Variants in PHF21B observed in about 807,000 individuals in gnomAD.
PHF21B encodes the protein PHD finger protein 4.
Under a neutral mutation model 62.2 loss-of-function variants are expected in PHF21B, and 22 were observed. The observed-to-expected ratio is 0.35, with a 90% CI of 0.25 to 0.51. PHF21B has a LOEUF of 0.51. Among genes scored for constraint, PHF21B ranks in the 20% least tolerant of loss-of-function variants. The probability of loss-of-function intolerance (pLI) is 0.97; values close to 1 mark genes in which losing one functional copy is unlikely to be tolerated. For missense variants in PHF21B, 701 were observed against 707.9 expected (o/e 0.99, Z 0.11); for synonymous variants, 341 against 314.7 (o/e 1.08, Z -0.88).
intron 5 of PHF21B, chr22:44,902,392 G>C (rs2071175576): frequency 3.4e-6 from 1 of 295,926 alleles, no homozygotes; most frequent in South Asian, 4.2e-5. Context: ...TGTTTGCCCT[G>C]ATGAGTGGAG....
Position 44,882,893 on chromosome 22 carries a change from AG to A in PHF21B, c.*192del. The A allele has an allele frequency of 1.6e-6, 1 of 616,652 alleles. No homozygotes were observed. The highest frequency in any genetic ancestry group is 2.6e-6 in the Non-Finnish European group (1 of 377,466). 38.2% of individuals were successfully genotyped at this position (616,652 alleles called of 1,614,324 possible). On this transcript the variant is annotated 3_prime_UTR_variant, in exon 13 of 13. Coordinates refer to ENST00000313237, the MANE Select transcript of PHF21B (RefSeq NM_138415.5). ...TCCTAGGTACCCCCTGTGAATTTGG[AG>A]GGCACAGGGCCGCACCCCCACCTGG...
At chr22:44,985,785 G>T (rs952104247) in intron 2 of PHF21B, among the ~76,000 whole-genome samples, 1 of 152,012 alleles carries the variant, frequency 6.6e-6, no homozygotes, top group Non-Finnish European at 1.5e-5. Context: ...CACCACTGAT[G>T]TTATCACCGT....
intron 7 of PHF21B, 42 bp from the exon 8 acceptor site, chr22:44,891,402 A>C: frequency 1.9e-6 from 3 of 1,604,970 alleles, no homozygotes; most frequent in Non-Finnish European, 2.6e-6. Context: ...CATCATCTGG[A>C]GGCTCTCTTC....
chr22:44,898,117 C>G lies in PHF21B; in HGVS notation c.832-2034G>C, dbSNP rs190401912. Among the ~76,000 whole-genome samples the G allele has an allele frequency of 1.3e-3, 193 of 152,302 alleles. 1 individual carries two copies. The highest frequency in any genetic ancestry group is 4.5e-3 in the African/African-American group (188 of 41,566). ...GCCACTGTGCCCAGCCCTTTGTTTT[C>G]TGTCCCAGGATCCCACATGATATTT... is the stretch of plus-strand genomic sequence containing the variant. On this transcript the variant is annotated intron_variant, in intron 5 of 12. Transcript: ENST00000313237.
At position 44,948,858 on chromosome 22, in the gene PHF21B, G is replaced by A. The variant is rs149009655; in HGVS notation, c.121-28368C>T. ...AAGTTGTCTCAAACACACTTTTAGG[G>A]CCACTGTCATTTGCAGTCTCAAGCA... On this transcript the variant is annotated intron_variant, in intron 2 of 12. Transcript: ENST00000313237. Among the ~76,000 whole-genome samples, 534 of 152,290 alleles carry A rather than the reference G, an allele frequency of 3.5e-3. 5 individuals carry two copies. Among genetic ancestry groups the A allele is most frequent in the African/African-American group, 0.012 (488 of 41,560 alleles).
chr22:44,973,905 G>A (rs564008265), intron 2 of PHF21B, among the ~76,000 whole-genome samples: 1 of 152,304 alleles, frequency 6.6e-6, no homozygotes, highest in South Asian at 2.1e-4. Flanking sequence ...AAATTAGCAG[G>A]AATAAGCCAG....
At chr22:44,975,110 G>C (rs961113394) in intron 2 of PHF21B, among the ~76,000 whole-genome samples, 1 of 152,094 alleles carries the variant, frequency 6.6e-6, no homozygotes, top group Non-Finnish European at 1.5e-5. Context: ...CTGCACCCTT[G>C]GCTGAGGGAA....
chr22:44,984,095 TCACCATCATCAC>T (rs2072893253), intron 2 of PHF21B, among the ~76,000 whole-genome samples: 1 of 131,868 alleles, frequency 7.6e-6, no homozygotes, highest in African/African-American at 2.9e-5. Context: ...ACCATCATCA[TCACCATCATCAC>T]CACCATAACC....
intron 2 of PHF21B, among the ~76,000 whole-genome samples, chr22:44,947,894 C>T (rs1417995977): frequency 6.6e-6 from 1 of 150,906 alleles, no homozygotes; most frequent in Non-Finnish European, 1.5e-5. Flanking sequence ...CTTAAGGGTA[C>T]AGCTGGAGGA....
intron 9 of PHF21B, among the ~76,000 whole-genome samples, chr22:44,888,817 C>T (rs546911929): frequency 2.8e-3 from 424 of 152,204 alleles, no homozygotes; most frequent in Non-Finnish European, 4.8e-3. Flanking sequence ...GAGGGAGAGG[C>T]GGTTGTCACA....
At chr22:44,936,577 T>C (rs1043341061) in intron 2 of PHF21B, among the ~76,000 whole-genome samples, 10 of 152,346 alleles carry the variant, frequency 6.6e-5, no homozygotes, top group Middle Eastern at 3.4e-3. Context: ...TGAGACGGGT[T>C]TCAAGTGGGA....
chr22:44,954,253 C>T (rs917236150), intron 2 of PHF21B, among the ~76,000 whole-genome samples: 10 of 152,246 alleles, frequency 6.6e-5, no homozygotes, highest in Admixed American at 1.3e-4. Context: ...CTGGTACTTT[C>T]CAGCCTTCTG....
At chr22:44,975,618 T>C (rs1193199245) in intron 2 of PHF21B, among the ~76,000 whole-genome samples, 1 of 152,204 alleles carries the variant, frequency 6.6e-6, no homozygotes, top group African/African-American at 2.4e-5. Flanking sequence ...CATCTCAGCC[T>C]ACGAGGAAGG....
In PHF21B at chr22:44,996,771, C is replaced by G. The variant is rs578178512; in HGVS notation, c.120+11774G>C. Among the ~76,000 whole-genome samples the G allele has an allele frequency of 7.8e-3, 1,185 of 152,234 alleles. 10 individuals are homozygous for G. The highest frequency in any genetic ancestry group is 0.012 in the Non-Finnish European group (832 of 68,012). The stretch of plus-strand genomic sequence containing the variant: ...CCACATGCACACACGGATCCACACA[C>G]GTGCATGCACAAGCACACACACATG... On this transcript the variant is annotated intron_variant, in intron 2 of 12. Transcript: ENST00000313237.
At chr22:44,996,560 C>G (rs1044488089) in intron 2 of PHF21B, among the ~76,000 whole-genome samples, 6 of 151,966 alleles carry the variant, frequency 3.9e-5, no homozygotes, top group African/African-American at 1.5e-4. Context: ...GGTGGTGATT[C>G]AAAGGCTGAG....
chr22:44,997,876 G>A (rs1326852813), intron 2 of PHF21B, among the ~76,000 whole-genome samples: 2 of 152,180 alleles, frequency 1.3e-5, no homozygotes, highest in African/African-American at 4.8e-5. Flanking sequence ...CTGCCGCTTC[G>A]CATAACGGAG....
chr22:44,960,071 G>A (rs1163672398), intron 2 of PHF21B, among the ~76,000 whole-genome samples: 1 of 152,182 alleles, frequency 6.6e-6, no homozygotes, highest in Non-Finnish European at 1.5e-5. Flanking sequence ...TGAAACCTGA[G>A]CATTCCTCAC....
chr22:44,954,847 C>T (rs1013405604), intron 2 of PHF21B, among the ~76,000 whole-genome samples: 3 of 152,154 alleles, frequency 2.0e-5, no homozygotes, highest in African/African-American at 2.4e-5. Context: ...GGCAGGCCTC[C>T]GAAGTCGGGC....
intron 2 of PHF21B, among the ~76,000 whole-genome samples, chr22:45,005,475 T>C (rs1452373956): frequency 6.6e-6 from 1 of 152,238 alleles, no homozygotes; most frequent in Non-Finnish European, 1.5e-5. Context: ...ACTAGACAGT[T>C]ACACAGAAAA....
Sources: allele counts gnomAD v4.1 joint callset (sites outside exome capture counted in the v4.1 genomes callset), GRCh38; gene constraint gnomAD v4.1.1; transcripts MANE v1.5; gene names NCBI Gene and HGNC (gene_info 2026-07-23, HGNC 2026-07-21).